Variants in OTUD7B observed in about 807,000 individuals in gnomAD.
OTUD7B encodes the protein OTU deubiquitinase 7B.
A neutral mutation model predicts 82.2 loss-of-function variants in OTUD7B; 34 were observed. That is an observed-to-expected ratio of 0.41 (90% CI 0.31 to 0.55). The LOEUF is 0.55. Among genes scored for constraint, OTUD7B ranks in the 20% least tolerant of loss-of-function variants. The pLI is 0.20. For synonymous variants in OTUD7B, 398 were observed against 402.7 expected, an observed-to-expected ratio of 0.99 and a Z score of 0.14; for missense variants, 944 against 1,062.1, an observed-to-expected ratio of 0.89 and a Z score of 1.55.
the OTUD7B span, among the ~76,000 whole-genome samples, chr1:150,042,137 C>T: frequency 1.3e-4 from 16 of 118,888 alleles, no homozygotes; most frequent in South Asian, 3.4e-3. Flanking sequence ...CTCCCTCCCT[C>T]CCTCCCTTCC....
At position 149,942,312 on chromosome 1, in the gene OTUD7B, T is replaced by C. The variant is rs1424726831; in HGVS notation, c.*1545A>G. 4 of 152,726 alleles carry C rather than the reference T, an allele frequency of 2.6e-5. No homozygotes were observed. In the East Asian group the frequency reaches 5.8e-4, roughly 22 times the overall value. The allele number at this position is 152,726 out of a possible 1,614,324, so 9.5% of individuals were successfully genotyped here. On this transcript the variant is annotated 3_prime_UTR_variant, in exon 12 of 12. Coordinates refer to ENST00000581312, the MANE Select transcript of OTUD7B (RefSeq NM_020205.4). ...ATACAATTGCATAGTTGACTTTTTT[T>C]CCCGGAAAAAAATATAAAGAAAAAG...
the OTUD7B span, among the ~76,000 whole-genome samples, chr1:150,041,842 T>C: frequency 9.1e-3 from 1,380 of 152,318 alleles, 16 homozygotes; most frequent in Non-Finnish European, 0.011. Context: ...TTGTTTGTAA[T>C]GTTCTTTGCC....
chr1:150,063,969 AT>A, the OTUD7B span, among the ~76,000 whole-genome samples: 2 of 152,228 alleles, frequency 1.3e-5, no homozygotes, highest in African/African-American at 4.8e-5. Flanking sequence ...TAGTATTTCT[AT>A]TATTGTATAG....
intron 1 of OTUD7B, among the ~76,000 whole-genome samples, chr1:149,991,408 G>C (rs1411580620): frequency 2.6e-5 from 4 of 152,048 alleles, no homozygotes; most frequent in Non-Finnish European, 5.9e-5. Context: ...TTAGTTACAA[G>C]CATATAACAC....
chr1:150,062,329 C>G, the OTUD7B span, among the ~76,000 whole-genome samples: 1 of 152,212 alleles, frequency 6.6e-6, no homozygotes, highest in Non-Finnish European at 1.5e-5. Flanking sequence ...TTCACCAACA[C>G]TTGGTATTAT....
chr1:149,945,108 TG>T, intron 11 of OTUD7B, 43 bp from the exon 12 acceptor site: 2 of 1,580,750 alleles, frequency 1.3e-6, no homozygotes, highest in Non-Finnish European at 1.7e-6. Context: ...CCCAGCAGCC[TG>T]GGGTGGGGGA....
intron 6 of OTUD7B, chr1:149,963,863 C>T (rs903938413): frequency 2.2e-5 from 4 of 179,660 alleles, no homozygotes; most frequent in African/African-American, 9.4e-5. Context: ...AAACATAAGT[C>T]TTTAAAAATT....
At chr1:149,993,868 C>A (rs1329700731) in intron 1 of OTUD7B, among the ~76,000 whole-genome samples, 1 of 152,134 alleles carries the variant, frequency 6.6e-6, no homozygotes, top group Non-Finnish European at 1.5e-5. Context: ...GTACTCTAAG[C>A]CTCTAGGGTC....
intron 1 of OTUD7B, among the ~76,000 whole-genome samples, chr1:149,983,718 G>C (rs1167709094): frequency 6.6e-6 from 1 of 152,078 alleles, no homozygotes; most frequent in African/African-American, 2.4e-5. Flanking sequence ...TAAATATAAT[G>C]GGAAGCCACT....
At chr1:150,030,101 T>C in the OTUD7B span, among the ~76,000 whole-genome samples, 1 of 152,238 alleles carries the variant, frequency 6.6e-6, no homozygotes, top group African/African-American at 2.4e-5. Context: ...TTGATAACAA[T>C]ACAAATTTTT....
At chr1:150,062,623 C>T in the OTUD7B span, among the ~76,000 whole-genome samples, 1 of 151,920 alleles carries the variant, frequency 6.6e-6, no homozygotes, top group East Asian at 1.9e-4. Context: ...ATTTTGAAAG[C>T]TGCTAATCTA....
upstream of OTUD7B, chr1:150,010,770 G>T (rs1314536981): frequency 6.6e-6 from 1 of 152,110 alleles, no homozygotes; most frequent in East Asian, 1.9e-4. Flanking sequence ...GTTTCCGGCC[G>T]GAGCGGGTTG....
rs1647378209 is a variant in OTUD7B, at chr1:149,943,186, G to A, written c.*671C>T. 6.6e-6 allele frequency: 1 copy of A among 152,396 alleles called. No individual in the cohort carries two copies. Among genetic ancestry groups the A allele is most frequent in the Non-Finnish European group, 1.5e-5 (1 of 68,088 alleles). The allele number at this position is 152,396 out of a possible 1,614,324, so 9.4% of individuals were successfully genotyped here. ...AAACTGTAACAGATGACATATGACT[G>A]CTTGGAAGGAAATAAACCTTAAGAG... is the stretch of plus-strand genomic sequence containing the variant. On this transcript the variant is annotated 3_prime_UTR_variant, in exon 12 of 12. Transcript: ENST00000581312.
chr1:149,951,172 A>G (rs1431671235), intron 7 of OTUD7B, among the ~76,000 whole-genome samples: 1 of 151,502 alleles, frequency 6.6e-6, no homozygotes, highest in Non-Finnish European at 1.5e-5. Flanking sequence ...TTTAGTAGAG[A>G]TGGGGTTTCA....
the OTUD7B span, among the ~76,000 whole-genome samples, chr1:150,058,443 A>G: frequency 6.6e-6 from 1 of 152,342 alleles, no homozygotes; most frequent in South Asian, 2.1e-4. Context: ...CAGGAGTTTG[A>G]GGTTGCAGTA....
chr1:150,006,223 C>A (rs1040326036), intron 1 of OTUD7B, among the ~76,000 whole-genome samples: 1 of 152,076 alleles, frequency 6.6e-6, no homozygotes, highest in Non-Finnish European at 1.5e-5. Context: ...TTTGGGAGGC[C>A]GAGTCAGGCG....
chr1:150,026,651 A>C, the OTUD7B span, among the ~76,000 whole-genome samples: 960 of 152,330 alleles, frequency 6.3e-3, 14 homozygotes, highest in African/African-American at 0.022. Flanking sequence ...ACAAGGTCAT[A>C]AATATATAAG....
At position 149,950,122 on chromosome 1, in the gene OTUD7B, G is replaced by A. The variant is rs1553773012; in HGVS notation, c.945C>T (p.Asp315=). Residue 315 remains aspartate (D), a synonymous_variant, in exon 8 of 12, where the codon GAC becomes GAT. Coordinates refer to ENST00000581312, the MANE Select transcript of OTUD7B (RefSeq NM_020205.4). ...VLRRPIVVVA[D]TMLRDSGGEA... is the part of the protein sequence containing the mutation. ...CCCCTCCGGAGTCCCTCAGCATGGT[G>A]TCTGCCACGACGACTATGGGCCTCC... is the stretch of plus-strand genomic sequence containing the variant. 1.2e-6 allele frequency: 2 copies of A among 1,614,080 alleles called. No individual in the cohort carries two copies. Among genetic ancestry groups the A allele is most frequent in the Admixed American group, 1.7e-5 (1 of 60,022 alleles).
the OTUD7B span, among the ~76,000 whole-genome samples, chr1:150,024,782 T>C: frequency 3.9e-5 from 6 of 152,216 alleles, no homozygotes; most frequent in East Asian, 1.2e-3. Flanking sequence ...GCGTGGTGGC[T>C]CACGCCTGTA....
Sources: gnomAD v4.1 joint callset for allele counts (sites outside exome capture counted in the v4.1 genomes callset) on GRCh38, gnomAD v4.1.1 for gene constraint, MANE v1.5 for transcripts, NCBI Gene and HGNC (gene_info 2026-07-23, HGNC 2026-07-21) for gene names.